Variants in HCN1 observed in about 807,000 individuals in gnomAD.
The protein encoded by HCN1 is hyperpolarization activated cyclic nucleotide gated potassium channel 1.
HCN1 carries 13 observed loss-of-function variants against 78.9 expected under a neutral mutation model. That is an observed-to-expected ratio of 0.16 (90% confidence interval 0.11 to 0.26). The LOEUF (loss-of-function observed/expected upper bound fraction) is 0.26. HCN1 is among the 10% of genes least tolerant of loss of function. The pLI, the probability that HCN1 is intolerant of heterozygous loss-of-function variation, is 1.00. For synonymous variants in HCN1, 552 were observed against 455.5 expected, an observed-to-expected ratio of 1.21 and a Z score of -2.70; for missense variants, 810 against 1,154.3, an observed-to-expected ratio of 0.70 and a Z score of 4.32.
intron 2 of HCN1, chr5:45,576,499 C>A (rs1335410089): frequency 6.6e-6 from 1 of 151,988 alleles, no homozygotes; most frequent in Admixed American, 6.6e-5. Flanking sequence ...CCTATTCTAA[C>A]AAATTGCCAC....
intron 4 of HCN1, among the ~76,000 whole-genome samples, chr5:45,355,996 A>G (rs1747000361): frequency 6.6e-6 from 1 of 152,012 alleles, no homozygotes; most frequent in African/African-American, 2.4e-5. Context: ...CACACCTAAC[A>G]AGACTTGCAA....
chr5:45,398,180 T>G (rs938624250), intron 3 of HCN1, among the ~76,000 whole-genome samples: 1 of 152,084 alleles, frequency 6.6e-6, no homozygotes, highest in Non-Finnish European at 1.5e-5. Flanking sequence ...CATGCCAATC[T>G]GTTTCATACC....
intron 2 of HCN1, among the ~76,000 whole-genome samples, chr5:45,589,351 C>T (rs1450500280): frequency 1.3e-5 from 2 of 151,964 alleles, no homozygotes; most frequent in African/African-American, 4.8e-5. Flanking sequence ...AGGAGGATTC[C>T]AGGTTTGAAG....
chr5:45,565,895 C>T (rs565044846), intron 2 of HCN1, among the ~76,000 whole-genome samples: 1 of 152,240 alleles, frequency 6.6e-6, no homozygotes, highest in East Asian at 1.9e-4. Flanking sequence ...TTGAATATGA[C>T]ACAGTTTTGA....
At chr5:45,689,570 A>C (rs1218784794) in intron 1 of HCN1, among the ~76,000 whole-genome samples, 1 of 152,164 alleles carries the variant, frequency 6.6e-6, no homozygotes, top group Non-Finnish European at 1.5e-5. Context: ...GAGTATTTCA[A>C]GCTTGGGGGT....
chr5:45,644,662 A>G (rs2112030824), intron 2 of HCN1: 1 of 153,274 alleles, frequency 6.5e-6, no homozygotes, highest in South Asian at 2.1e-4. Flanking sequence ...CATAACAATA[A>G]GCAAAATTAA....
chr5:45,627,850 A>T lies in HCN1; in HGVS notation c.849+17335T>A, dbSNP rs553736830. 7.2e-5 allele frequency among the ~76,000 whole-genome samples: 11 copies of T among 152,324 alleles called. No homozygotes were observed. In the South Asian group the frequency reaches 2.3e-3, roughly 32 times the overall value. Reference sequence around the variant, plus strand: ...CATTATCCATGAGCTTGTGTACAAGAAAAATGTCATAACATAATCATAAAT... The same window carrying T: ...CATTATCCATGAGCTTGTGTACAAGTAAAATGTCATAACATAATCATAAAT... On this transcript the variant is annotated intron_variant, in intron 2 of 7. Coordinates refer to ENST00000303230, the MANE Select transcript of HCN1 (RefSeq NM_021072.4).
At chr5:45,592,323 G>A (rs1744382377) in intron 2 of HCN1, among the ~76,000 whole-genome samples, 1 of 127,666 alleles carries the variant, frequency 7.8e-6, no homozygotes, top group Non-Finnish European at 1.9e-5. Context: ...TTAAGTGTAT[G>A]TGTAAATGAT....
At chr5:45,467,757 T>C (rs1222260167) in intron 2 of HCN1, among the ~76,000 whole-genome samples, 1 of 152,102 alleles carries the variant, frequency 6.6e-6, no homozygotes, top group Admixed American at 6.6e-5. Flanking sequence ...GGAATACTCT[T>C]ATAGTTGAAT....
At chr5:45,358,739 CT>C (rs1209962256) in intron 4 of HCN1, among the ~76,000 whole-genome samples, 2 of 152,008 alleles carry the variant, frequency 1.3e-5, no homozygotes, top group South Asian at 2.1e-4. Flanking sequence ...ACAAAGGTGC[CT>C]TTTGTGGGGA....
chr5:45,477,033 T>C (rs1013907026), intron 2 of HCN1, among the ~76,000 whole-genome samples: 2 of 152,134 alleles, frequency 1.3e-5, no homozygotes, highest in African/African-American at 4.8e-5. Context: ...AAGGCATACG[T>C]AGATGAGTTG....
chr5:45,506,052 T>C (rs1338698205), intron 2 of HCN1, among the ~76,000 whole-genome samples: 1 of 152,178 alleles, frequency 6.6e-6, no homozygotes, highest in Non-Finnish European at 1.5e-5. Flanking sequence ...TTATGTTCAC[T>C]AGAATGAAAT....
chr5:45,455,376 T>A (rs1741009318), intron 3 of HCN1, among the ~76,000 whole-genome samples: 1 of 152,038 alleles, frequency 6.6e-6, no homozygotes, highest in African/African-American at 2.4e-5. Context: ...AGCTTACATT[T>A]TGTCAAGTTT....
Position 45,695,748 on chromosome 5 carries a change from T to C in HCN1, c.346A>G (p.Ser116Gly). 6.2e-7 allele frequency: 1 copy of C among 1,612,456 alleles called. No homozygotes were observed. The highest frequency in any genetic ancestry group is 8.5e-7 in the Non-Finnish European group (1 of 1,179,686). The change falls in exon 1 of 8, where the codon AGC becomes GGC. Residue 116 changes from serine to glycine, a missense_variant. By Grantham distance (56) the Ser-to-Gly change is moderately conservative. Coordinates refer to ENST00000303230, the MANE Select transcript of HCN1 (RefSeq NM_021072.4). Reference protein sequence around the residue: ...VNKFSLRMFGSQKAVEKEQER... With the variant: ...VNKFSLRMFGGQKAVEKEQER... ...TGCTCCTTTTCCACCGCCTTCTGGC[T>C]CCCAAACATGCGGAGGGAGAATTTG...
chr5:45,302,147 T>C (rs898662480), intron 6 of HCN1, among the ~76,000 whole-genome samples: 1 of 152,000 alleles, frequency 6.6e-6, no homozygotes, highest in African/African-American at 2.4e-5. Flanking sequence ...TGGCTCTATG[T>C]CCCCCCAACA....
intron 2 of HCN1, among the ~76,000 whole-genome samples, chr5:45,637,553 G>A (rs576817743): frequency 1.3e-4 from 19 of 150,672 alleles, no homozygotes; most frequent in African/African-American, 4.4e-4. Context: ...ATGTTACAAA[G>A]CAGAAGCACA....
At chr5:45,266,197 G>A (rs1255136194) in intron 7 of HCN1, among the ~76,000 whole-genome samples, 1 of 152,010 alleles carries the variant, frequency 6.6e-6, no homozygotes, top group African/African-American at 2.4e-5. Context: ...AGGCCTAATG[G>A]TTGTATATAT....
At chr5:45,442,543 A>C (rs1372884846) in intron 3 of HCN1, among the ~76,000 whole-genome samples, 1 of 150,870 alleles carries the variant, frequency 6.6e-6, no homozygotes, top group Admixed American at 6.6e-5. Context: ...GCATATGCAT[A>C]TCTATTTGTA....
At chr5:45,485,177 A>G (rs1741731075) in intron 2 of HCN1, among the ~76,000 whole-genome samples, 1 of 152,172 alleles carries the variant, frequency 6.6e-6, no homozygotes. Context: ...AAAGCAATTG[A>G]TTGGTTTGTA....
Sources: gnomAD v4.1 joint callset for allele counts (sites outside exome capture counted in the v4.1 genomes callset) on GRCh38, gnomAD v4.1.1 for gene constraint, MANE v1.5 for transcripts, NCBI Gene and HGNC (gene_info 2026-07-23, HGNC 2026-07-21) for gene names.